BLTP3B: variants seen among roughly 807,000 people sequenced by gnomAD.
The protein encoded by BLTP3B is bridge-like lipid transfer protein family member 3B.
chr12:100,109,758 C>G, the BLTP3B span, among the ~76,000 whole-genome samples: 5 of 143,182 alleles, frequency 3.5e-5, no homozygotes, highest in Non-Finnish European at 7.5e-5. Context: ...ACAGTGAGAC[C>G]CTGTCTCAGA....
At chr12:100,127,593 T>C in the BLTP3B span, among the ~76,000 whole-genome samples, 1 of 152,236 alleles carries the variant, frequency 6.6e-6, no homozygotes, top group Non-Finnish European at 1.5e-5. Context: ...GAGTCCTAAA[T>C]TGAAAGAAAT....
At chr12:100,120,758 A>G in the BLTP3B span, among the ~76,000 whole-genome samples, 2 of 152,160 alleles carry the variant, frequency 1.3e-5, no homozygotes, top group African/African-American at 4.8e-5. Flanking sequence ...AAAGCTTAGG[A>G]CCTTCATATG....
At chr12:100,065,243 G>A in the BLTP3B span, among the ~76,000 whole-genome samples, 6 of 151,796 alleles carry the variant, frequency 4.0e-5, no homozygotes, top group Non-Finnish European at 8.8e-5. Flanking sequence ...TGATGAATGC[G>A]TTAACTATAC....
the BLTP3B span, among the ~76,000 whole-genome samples, chr12:100,074,737 A>C: frequency 1.3e-5 from 2 of 152,176 alleles, no homozygotes; most frequent in Non-Finnish European, 2.9e-5. Context: ...AAAAGCCTGA[A>C]TAGCCAAAGC....
At chr12:100,095,628 T>G in the BLTP3B span, 133 of 1,572,110 alleles carry the variant, frequency 8.5e-5, no homozygotes, top group Non-Finnish European at 1.1e-4. Context: ...ACTATTTTCA[T>G]GTAAAGTAAG....
chr12:100,077,905 CA>C, the BLTP3B span, among the ~76,000 whole-genome samples: 1 of 152,060 alleles, frequency 6.6e-6, no homozygotes, highest in East Asian at 1.9e-4. Context: ...ATAGCCAATA[CA>C]GTATATATAG....
the BLTP3B span, among the ~76,000 whole-genome samples, chr12:100,091,073 C>G: frequency 6.6e-6 from 1 of 150,536 alleles, no homozygotes; most frequent in Non-Finnish European, 1.5e-5. Context: ...GTTACCCAGG[C>G]TGGAGTGTAG....
At chr12:100,095,702 C>G in the BLTP3B span, 3 of 1,612,928 alleles carry the variant, frequency 1.9e-6, no homozygotes, top group African/African-American at 4.0e-5. Flanking sequence ...TTCCTTTGTT[C>G]TGTTGATTTT....
At chr12:100,119,721 G>A in the BLTP3B span, among the ~76,000 whole-genome samples, 1 of 151,952 alleles carries the variant, frequency 6.6e-6, no homozygotes, top group East Asian at 1.9e-4. Context: ...CCAGAATGAT[G>A]TTACAGCCAT....
At chr12:100,065,789 C>G in the BLTP3B span, among the ~76,000 whole-genome samples, 3 of 152,144 alleles carry the variant, frequency 2.0e-5, no homozygotes, top group African/African-American at 7.2e-5. Context: ...TTGCTTTACC[C>G]TTTGCCTTGT....
the BLTP3B span, among the ~76,000 whole-genome samples, chr12:100,123,628 T>C: frequency 6.6e-6 from 1 of 152,200 alleles, no homozygotes; most frequent in East Asian, 1.9e-4. Flanking sequence ...AGTCTGGGCC[T>C]CCAGAACTTC....
chr12:100,142,635 T>C, the BLTP3B span: 1 of 1,608,436 alleles, frequency 6.2e-7, no homozygotes, highest in Admixed American at 1.7e-5. Context: ...ATCCCGGCCA[T>C]GGTACCGAGG....
the BLTP3B span, among the ~76,000 whole-genome samples, chr12:100,113,537 C>T: frequency 3.3e-3 from 499 of 152,294 alleles, no homozygotes; most frequent in Non-Finnish European, 5.7e-3. Context: ...TCAGATTCCT[C>T]ATCTGTAACA....
chr12:100,077,402 AAAGT>A, the BLTP3B span, among the ~76,000 whole-genome samples: 2 of 152,376 alleles, frequency 1.3e-5, no homozygotes, highest in Non-Finnish European at 1.5e-5. Flanking sequence ...TATCGAATGT[AAAGT>A]AAGTAGTAAC....
At chr12:100,116,214 C>G in the BLTP3B span, among the ~76,000 whole-genome samples, 2 of 150,672 alleles carry the variant, frequency 1.3e-5, no homozygotes, top group Non-Finnish European at 3.0e-5. Context: ...CAGTGGCTCA[C>G]GGCTGTAATC....
chr12:100,066,127 A>G, the BLTP3B span, among the ~76,000 whole-genome samples: 1 of 152,188 alleles, frequency 6.6e-6, no homozygotes. Flanking sequence ...GCTGCCTTCA[A>G]GAGACTCACC....
the BLTP3B span, chr12:100,108,364 G>A: frequency 6.3e-7 from 1 of 1,599,452 alleles, no homozygotes; most frequent in East Asian, 2.3e-5. Flanking sequence ...CAAATATCAA[G>A]CCACAGATAT....
the BLTP3B span, among the ~76,000 whole-genome samples, chr12:100,042,754 T>A: frequency 6.6e-6 from 1 of 152,180 alleles, no homozygotes; most frequent in Non-Finnish European, 1.5e-5. Flanking sequence ...GCAAAAAGAT[T>A]ATGACTCACT....
At chr12:100,061,656 C>CAAAA in the BLTP3B span, among the ~76,000 whole-genome samples, 42 of 66,936 alleles carry the variant, frequency 6.3e-4, no homozygotes, top group Admixed American at 9.4e-4. Context: ...GACTCCGTCT[C>CAAAA]AAAAAAAAAA....
Sources: allele counts gnomAD v4.1 joint callset (sites outside exome capture counted in the v4.1 genomes callset), GRCh38; gene constraint gnomAD v4.1.1; transcripts MANE v1.5; gene names NCBI Gene and HGNC (gene_info 2026-07-23, HGNC 2026-07-21).